KAZN: variants seen among roughly 807,000 people sequenced by gnomAD.
KAZN encodes the protein kazrin.
Under a neutral mutation model 87.4 loss-of-function variants are expected in KAZN, and 40 were observed. The ratio of observed to expected loss-of-function variants is 0.46; its 90% confidence interval spans 0.36 to 0.60. The LOEUF (loss-of-function observed/expected upper bound fraction) is 0.60. KAZN is among the 20% of genes least tolerant of loss of function. KAZN has a pLI of 0.00. For missense variants in KAZN, 898 were observed against 1,073.9 expected (o/e 0.84, Z 2.29); for synonymous variants, 466 against 458.3 (o/e 1.02, Z -0.22).
chr1:14,413,593 GAAAAAAAA>G (rs1169921344), intron 2 of KAZN, among the ~76,000 whole-genome samples: 3 of 66,080 alleles, frequency 4.5e-5, no homozygotes, highest in African/African-American at 1.3e-4. Flanking sequence ...CGTCTCAAAA[GAAAAAAAA>G]AAAAAAAAAA....
intron 1 of KAZN, among the ~76,000 whole-genome samples, chr1:14,029,790 T>C (rs1303859002): frequency 3.3e-5 from 5 of 152,086 alleles, no homozygotes; most frequent in East Asian, 1.9e-4. Context: ...GTTGTAGATA[T>C]GTGGCGTTAT....
chr1:15,005,006 T>G (rs1399186401), intron 2 of KAZN, among the ~76,000 whole-genome samples: 6 of 152,078 alleles, frequency 3.9e-5, no homozygotes, highest in Non-Finnish European at 5.9e-5. Flanking sequence ...CAGAGGTAAA[T>G]ACGCCCAGGT....
chr1:14,160,923 G>C (rs564292007), intron 1 of KAZN, among the ~76,000 whole-genome samples: 1 of 152,282 alleles, frequency 6.6e-6, no homozygotes, highest in South Asian at 2.1e-4. Flanking sequence ...ATTCGTTGCT[G>C]ATAAGAGGAC....
At chr1:14,549,482 A>C (rs924414675) in intron 2 of KAZN, among the ~76,000 whole-genome samples, 6 of 152,194 alleles carry the variant, frequency 3.9e-5, no homozygotes, top group Non-Finnish European at 8.8e-5. Flanking sequence ...CCTGTGGCCC[A>C]GACACAGGAT....
chr1:14,016,427 T>G (rs749034828), intron 1 of KAZN, among the ~76,000 whole-genome samples: 17 of 152,064 alleles, frequency 1.1e-4, no homozygotes, highest in Non-Finnish European at 2.4e-4. Context: ...ATTTCACAGG[T>G]GGGGAAACTG....
intron 2 of KAZN, among the ~76,000 whole-genome samples, chr1:14,520,247 CAAAG>C (rs1038471305): frequency 3.5e-4 from 53 of 152,176 alleles, no homozygotes; most frequent in African/African-American, 1.2e-3. Flanking sequence ...AAGCTGGAAA[CAAAG>C]AAACTGAAAT....
chr1:14,991,686 G>C (rs1667373438), intron 2 of KAZN, among the ~76,000 whole-genome samples: 2 of 152,182 alleles, frequency 1.3e-5, no homozygotes, highest in South Asian at 4.1e-4. Flanking sequence ...GGCTGGAGAG[G>C]CCAGGCTGGC....
In KAZN at chr1:14,205,884, CAAAAA is replaced by C. The variant is rs70997121; in HGVS notation, c.249+25310_249+25314del. On this transcript the variant is annotated intron_variant, in intron 2 of 16. Transcript: ENST00000636203. ...CAGGCGACAGAGCAAGACACTGTCT[CAAAAA>C]AAAAAAAAAAAAAAAAAGCTACCTA... Among the ~76,000 whole-genome samples, 16 of 35,216 alleles carry C rather than the reference CAAAAA, an allele frequency of 4.5e-4. 2 individuals are homozygous for C. The highest frequency in any genetic ancestry group is 1.7e-3 in the African/African-American group (12 of 7,226). The allele number at this position is 35,216 out of a possible 152,430, so 23.1% of individuals were successfully genotyped here. A position where few individuals can be genotyped will look rare whatever the true frequency, so the allele number is the denominator to read the frequency against.
chr1:14,688,374 C>T (rs977961549), intron 1 of KAZN, among the ~76,000 whole-genome samples: 8 of 152,212 alleles, frequency 5.3e-5, no homozygotes, highest in Non-Finnish European at 1.0e-4. Flanking sequence ...TTGTGCTCAC[C>T]ACCGTATTCC....
intron 1 of KAZN, among the ~76,000 whole-genome samples, chr1:14,672,833 C>T (rs1011356680): frequency 6.6e-6 from 1 of 152,192 alleles, no homozygotes; most frequent in Non-Finnish European, 1.5e-5. Flanking sequence ...CTCTAAGCTG[C>T]TGTCACTGCT....
chr1:14,779,621 G>A (rs1645274753), intron 1 of KAZN, among the ~76,000 whole-genome samples: 1 of 152,174 alleles, frequency 6.6e-6, no homozygotes, highest in African/African-American at 2.4e-5. Context: ...TTCCTGGGCT[G>A]GTTACTATTG....
intron 2 of KAZN, among the ~76,000 whole-genome samples, chr1:14,325,642 T>C (rs1490037854): frequency 3.3e-5 from 5 of 152,226 alleles, no homozygotes; most frequent in African/African-American, 1.2e-4. Context: ...TCAAGGAACT[T>C]CTTAATATCA....
chr1:14,399,430 G>C (rs1310763713), intron 2 of KAZN, among the ~76,000 whole-genome samples: 1 of 152,144 alleles, frequency 6.6e-6, no homozygotes, highest in East Asian at 1.9e-4. Context: ...CAAAAAGTGA[G>C]TTTAATGATG....
intron 1 of KAZN, among the ~76,000 whole-genome samples, chr1:14,866,298 G>A (rs1651448219): frequency 6.6e-6 from 1 of 152,154 alleles, no homozygotes; most frequent in African/African-American, 2.4e-5. Context: ...CAGGTGACCT[G>A]TACAGAAAGC....
At chr1:14,027,901 A>G (rs1641149959) in intron 1 of KAZN, among the ~76,000 whole-genome samples, 1 of 152,190 alleles carries the variant, frequency 6.6e-6, no homozygotes, top group Admixed American at 6.5e-5. Flanking sequence ...AGGGTTAGTC[A>G]TAGAGAAGAG....
At chr1:14,888,288 T>G (rs1553151485) in intron 1 of KAZN, among the ~76,000 whole-genome samples, 1 of 152,150 alleles carries the variant, frequency 6.6e-6, no homozygotes, top group Non-Finnish European at 1.5e-5. Context: ...CCTCACCTGC[T>G]TTTTCTTCCA....
chr1:13,966,187 C>G (rs766224290), intron 1 of KAZN, among the ~76,000 whole-genome samples: 1 of 98,090 alleles, frequency 1.0e-5, no homozygotes, highest in South Asian at 4.3e-4. Flanking sequence ...TTCCTTCCCT[C>G]CCTCCTACTC....
chr1:14,764,384 A>AC (rs1408862725), intron 1 of KAZN, among the ~76,000 whole-genome samples: 29,068 of 101,800 alleles, frequency 0.29, 3,243 homozygotes, highest in Middle Eastern at 0.38. Context: ...CCCCTCCCCC[A>AC]CACCCCCCCC....
intron 1 of KAZN, among the ~76,000 whole-genome samples, chr1:14,067,637 C>G (rs1029961854): frequency 6.6e-6 from 1 of 152,204 alleles, no homozygotes; most frequent in African/African-American, 2.4e-5. Flanking sequence ...TGTCTGTCCC[C>G]CCCCATACTG....
Sources: gnomAD v4.1 joint callset for allele counts (sites outside exome capture counted in the v4.1 genomes callset) on GRCh38, gnomAD v4.1.1 for gene constraint, MANE v1.5 for transcripts, NCBI Gene and HGNC (gene_info 2026-07-23, HGNC 2026-07-21) for gene names.